Variants in PAN3 observed in about 807,000 individuals in gnomAD.
PAN3 encodes poly(A) specific ribonuclease subunit PAN3, also known as PAN2-PAN3 deadenylation complex subunit PAN3.
PAN3 carries 19 observed loss-of-function variants against 96.2 expected under a neutral mutation model. The ratio of observed to expected loss-of-function variants is 0.20; its 90% CI spans 0.14 to 0.29. The LOEUF (loss-of-function observed/expected upper bound fraction) is 0.29. Among genes scored for constraint, PAN3 ranks in the 10% least tolerant of loss-of-function variants. PAN3 has a pLI of 1.00. For synonymous variants in PAN3, 433 were observed against 406.6 expected, an observed-to-expected ratio of 1.06 and a Z score of -0.78; for missense variants, 882 against 1,108.1, an observed-to-expected ratio of 0.80 and a Z score of 2.90.
At chr13:28,277,611 G>C (rs1566255064) in intron 15 of PAN3, among the ~76,000 whole-genome samples, 1 of 152,208 alleles carries the variant, frequency 6.6e-6, no homozygotes, top group Non-Finnish European at 1.5e-5. Flanking sequence ...GTAGAAGTTT[G>C]TTGGTATCCA....
chr13:28,150,637 C>CA (rs71737721), intron 1 of PAN3, among the ~76,000 whole-genome samples: 2,683 of 73,566 alleles, frequency 0.036, 83 homozygotes, highest in African/African-American at 0.094. Context: ...ACTCTGTCTC[C>CA]AAAAAAAAAA....
At chr13:28,187,765 T>A (rs1296512618) in intron 4 of PAN3, among the ~76,000 whole-genome samples, 1 of 152,226 alleles carries the variant, frequency 6.6e-6, no homozygotes, top group Non-Finnish European at 1.5e-5. Context: ...TTGCCCTGTT[T>A]CCCAGGCTGG....
chr13:28,182,610 G>T (rs976151470), intron 4 of PAN3, among the ~76,000 whole-genome samples: 1 of 152,152 alleles, frequency 6.6e-6, no homozygotes, highest in Admixed American at 6.6e-5. Context: ...TATCTCTTCT[G>T]TTCTTGCTTT....
At chr13:28,182,208 C>T (rs1378487849) in intron 4 of PAN3, among the ~76,000 whole-genome samples, 3 of 152,160 alleles carry the variant, frequency 2.0e-5, no homozygotes, top group African/African-American at 7.2e-5. Context: ...ATGATTCTTG[C>T]TAAGATAGAA....
chr13:28,161,353 G>C (rs1171037451), intron 1 of PAN3, among the ~76,000 whole-genome samples: 1 of 151,980 alleles, frequency 6.6e-6, no homozygotes, highest in Non-Finnish European at 1.5e-5. Context: ...TGACAATCTT[G>C]GACATTTCTT....
At chr13:28,165,730 G>A (rs1481826958) in intron 1 of PAN3, among the ~76,000 whole-genome samples, 1 of 152,074 alleles carries the variant, frequency 6.6e-6, no homozygotes, top group African/African-American at 2.4e-5. Flanking sequence ...GAGTTCTGGA[G>A]GCTGGGAAGT....
intron 6 of PAN3, 111 bp from the exon 7 acceptor site, chr13:28,256,181 C>A (rs923150861): frequency 1.7e-6 from 2 of 1,175,724 alleles, no homozygotes; most frequent in Non-Finnish European, 2.4e-6. Flanking sequence ...TTTGCACTTA[C>A]GATCCCAAAG....
Position 28,271,981 on chromosome 13 carries a change from G to A in PAN3, c.1959G>A (p.Arg653=), listed in dbSNP as rs1193228445. ...PTKILITGKT[R]LRVNCVGVFD... ...TCTTTAAATTATCTGGTCCTTAAAGGTTGCGAGTAAATTGTGTTGGAGTTT... is the reference window on the plus strand; with the variant it reads ...TCTTTAAATTATCTGGTCCTTAAAGATTGCGAGTAAATTGTGTTGGAGTTT... Residue 653 remains arginine (R), a splice_region_variant and synonymous_variant, in exon 14 of 19, where the codon AGG becomes AGA. Coordinates refer to ENST00000380958, the MANE Select transcript of PAN3 (RefSeq NM_175854.8). The A allele has an allele frequency of 6.5e-7, 1 of 1,547,192 alleles. No individual in the cohort carries two copies.
chr13:28,256,505 A>G lies in PAN3; in HGVS notation c.1214A>G (p.Tyr405Cys). Residue 405 changes from tyrosine (Y) to cysteine (C), a missense_variant, in exon 7 of 19, where the codon TAT (tyrosine) becomes TGT (cysteine). Coordinates refer to ENST00000380958, the MANE Select transcript of PAN3 (RefSeq NM_175854.8). ...KETVGGTTYF[Y>C]TDTTPAPLTG... ...ACTGTTGGTGGGACGACTTACTTCT[A>G]TACAGACACAACTCCAGCACCTTTG... The G allele has an allele frequency of 6.2e-7, 1 of 1,614,044 alleles. No individual in the cohort carries two copies. Among genetic ancestry groups the G allele is most frequent in the Non-Finnish European group, 8.5e-7 (1 of 1,179,936 alleles).
At chr13:28,289,775 G>A (rs944412063) in intron 18 of PAN3, among the ~76,000 whole-genome samples, 15 of 152,266 alleles carry the variant, frequency 9.9e-5, no homozygotes, top group African/African-American at 2.4e-4. Context: ...CCAGCTACTC[G>A]GGAGGCTGAG....
chr13:28,239,305 C>T lies in PAN3; in HGVS notation c.1001-16987C>T, dbSNP rs369871404. On this transcript the variant is annotated intron_variant, in intron 6 of 18. Transcript: ENST00000380958. ...TTATAATACTTTCCATTTATGTTCC[C>T]TTCATATTTTTTCCCAGTGAGAAAC... Among the ~76,000 whole-genome samples the T allele has an allele frequency of 1.2e-4, 18 of 152,094 alleles. No individual in the cohort carries two copies. The South Asian group carries it at 1.2e-3, about 11-fold the overall frequency.
intron 18 of PAN3, among the ~76,000 whole-genome samples, chr13:28,289,478 A>G (rs1017799074): frequency 1.2e-4 from 18 of 152,134 alleles, no homozygotes; most frequent in Non-Finnish European, 1.5e-5. Flanking sequence ...GGATTTCACC[A>G]TGTTGCTCAG....
At chr13:28,207,347 A>G (rs1354381665) in intron 5 of PAN3, among the ~76,000 whole-genome samples, 1 of 152,064 alleles carries the variant, frequency 6.6e-6, no homozygotes, top group East Asian at 1.9e-4. Context: ...GGATTATTAT[A>G]TTGTGGTGTC....
rs147226677 is a variant in PAN3 at position 28,227,801 on chromosome 13, T to C, written c.1000+7423T>C. Among the ~76,000 whole-genome samples, 522 of 152,336 alleles carry C rather than the reference T, an allele frequency of 3.4e-3. 2 individuals are homozygous for C. The highest frequency in any genetic ancestry group is 5.5e-3 in the Non-Finnish European group (373 of 68,032). ...GAAGGCATATGGACTTCTTGACTTA[T>C]TCTGTGTAAATAGAAAATCTTCCCA... On this transcript the variant is annotated intron_variant, in intron 6 of 18. Coordinates refer to ENST00000380958, the MANE Select transcript of PAN3 (RefSeq NM_175854.8).
chr13:28,252,023 G>A (rs919305798), intron 6 of PAN3, among the ~76,000 whole-genome samples: 6 of 151,804 alleles, frequency 4.0e-5, no homozygotes, highest in African/African-American at 1.5e-4. Context: ...GAGCAGCTGG[G>A]ATTACAGGTG....
Position 28,138,861 on chromosome 13 carries a change from T to C in PAN3, c.204T>C (p.His68=). The C allele has an allele frequency of 3.5e-6, 5 of 1,423,136 alleles. No homozygotes were observed. Among genetic ancestry groups the C allele is most frequent in the Non-Finnish European group, 4.6e-6 (5 of 1,093,044 alleles). The allele number at this position is 1,423,136 out of a possible 1,614,324, so 88.2% of individuals were successfully genotyped here. The change falls in exon 1 of 19, where the codon CAT becomes CAC. Residue 68 remains histidine, a synonymous_variant. Coordinates refer to ENST00000380958, the MANE Select transcript of PAN3 (RefSeq NM_175854.8). ...ACGGGGAGGAGTGTCAGTTCCTGCATGAGGACCCTGCCGCCGGGGCTGCCC... is the reference window on the plus strand; with the variant it reads ...ACGGGGAGGAGTGTCAGTTCCTGCACGAGGACCCTGCCGCCGGGGCTGCCC... The part of the protein sequence containing the change: ...CFYGEECQFL[H]EDPAAGAAPG...
chr13:28,268,818 T>A (rs1886387315), intron 12 of PAN3, among the ~76,000 whole-genome samples: 1 of 152,198 alleles, frequency 6.6e-6, no homozygotes, highest in African/African-American at 2.4e-5. Flanking sequence ...TACTTCTTTT[T>A]TTTTGCATCC....
At chr13:28,140,749 A>C (rs1869654971) in intron 1 of PAN3, among the ~76,000 whole-genome samples, 1 of 151,864 alleles carries the variant, frequency 6.6e-6, no homozygotes, top group African/African-American at 2.4e-5. Flanking sequence ...GAAGTGTTTC[A>C]TTTGTTGTGA....
intron 1 of PAN3, among the ~76,000 whole-genome samples, chr13:28,153,912 T>A (rs150002441): frequency 0.011 from 1,731 of 152,344 alleles, 33 homozygotes; most frequent in African/African-American, 0.039. Context: ...AAATTTTCTC[T>A]CTGTTATTAA....
Sources: gnomAD v4.1 joint callset for allele counts (sites outside exome capture counted in the v4.1 genomes callset) on GRCh38, gnomAD v4.1.1 for gene constraint, MANE v1.5 for transcripts, NCBI Gene and HGNC (gene_info 2026-07-23, HGNC 2026-07-21) for gene names.